KCNJ15: variants seen among roughly 807,000 people sequenced by gnomAD.
KCNJ15 encodes the protein potassium inwardly rectifying channel subfamily J member 15.
A neutral mutation model predicts 23.0 loss-of-function variants in KCNJ15; 14 were observed. That is an observed-to-expected ratio of 0.61 (90% CI 0.40 to 0.95). The LOEUF (loss-of-function observed/expected upper bound fraction) is 0.95, where lower values mean the gene tolerates loss of function less well. KCNJ15 is among the 40% of genes least tolerant of loss of function. The pLI, the probability that KCNJ15 is intolerant of heterozygous loss-of-function variation, is 0.00. For missense variants in KCNJ15, 388 were observed against 461.8 expected (o/e 0.84, Z 1.46); for synonymous variants, 185 against 183.2 (o/e 1.01, Z -0.08).
upstream of KCNJ15, among the ~76,000 whole-genome samples, chr21:38,252,677 G>A (rs1979917350): frequency 6.6e-6 from 1 of 152,076 alleles, no homozygotes; most frequent in Non-Finnish European, 1.5e-5. Flanking sequence ...ATTTTAATTG[G>A]GAAACTGACA....
chr21:38,287,021 T>C (rs2123695168), intron 1 of KCNJ15, among the ~76,000 whole-genome samples: 1 of 152,304 alleles, frequency 6.6e-6, no homozygotes, highest in East Asian at 1.9e-4. Context: ...TATAATTTTG[T>C]TTTTTCAGTA....
intron 1 of KCNJ15, chr21:38,272,264 T>G (rs918083051): frequency 6.6e-6 from 1 of 152,190 alleles, no homozygotes; most frequent in African/African-American, 2.4e-5. Context: ...CTTTCACCCA[T>G]AAAAACTGAA....
chr21:38,245,687 A>G (rs1056921774), intron 1 of KCNJ15, among the ~76,000 whole-genome samples: 8 of 151,240 alleles, frequency 5.3e-5, no homozygotes, highest in Non-Finnish European at 8.8e-5. Context: ...AGGAAAGGGA[A>G]GAAAGAAAGA....
chr21:38,233,856 A>G (rs1978428837), intron 1 of KCNJ15, among the ~76,000 whole-genome samples: 1 of 152,100 alleles, frequency 6.6e-6, no homozygotes. Context: ...TATTATACAT[A>G]TTACCTATAT....
chr21:38,238,543 T>G lies in KCNJ15; in HGVS notation c.-398-18503T>G, dbSNP rs1393927298. ...CATCTCCGGCAATGCCACCGGGACATGGTGCATGTGCTGGGAGAAGGCAGT... is the reference window on the plus strand; with the variant it reads ...CATCTCCGGCAATGCCACCGGGACAGGGTGCATGTGCTGGGAGAAGGCAGT... On this transcript the variant is annotated intron_variant, in intron 1 of 4. Coordinates refer to the KCNJ15 transcript ENST00000547341. 1.9e-5 allele frequency: 12 copies of G among 638,668 alleles called. No individual in the cohort carries two copies. In the East Asian group the frequency reaches 2.1e-4, roughly 11 times the overall value. 39.6% of individuals were successfully genotyped at this position (638,668 alleles called of 1,614,324 possible).
upstream of KCNJ15, among the ~76,000 whole-genome samples, chr21:38,255,181 C>T (rs1285957051): frequency 2.6e-5 from 4 of 152,158 alleles, no homozygotes; most frequent in South Asian, 2.1e-4. Flanking sequence ...CAGATAAGGA[C>T]CTCCCAGAGG....
In KCNJ15 at chr21:38,300,271, C is replaced by T. The variant is rs148141953; in HGVS notation, c.1010C>T (p.Pro337Leu). Reference protein sequence around the residue: ...FSQFEQIRKSPDCTFYCADSE... With the variant: ...FSQFEQIRKSLDCTFYCADSE... ...CAGTTTGAACAGATTCGGAAAAGCC[C>T]AGATTGCACATTTTACTGTGCAGAT... Residue 337 changes from proline to leucine, a missense_variant, in exon 3 of 3, where the codon CCA (proline) becomes CTA (leucine). Coordinates refer to ENST00000398938, the MANE Select transcript of KCNJ15 (RefSeq NM_170736.3). The T allele has an allele frequency of 6.2e-7, 1 of 1,614,112 alleles. No individual in the cohort carries two copies. The highest frequency in any genetic ancestry group is 2.2e-5 in the East Asian group (1 of 44,880).
intron 1 of KCNJ15, among the ~76,000 whole-genome samples, chr21:38,291,973 A>G (rs573752148): frequency 1.3e-5 from 2 of 152,350 alleles, no homozygotes; most frequent in South Asian, 4.1e-4. Context: ...GGCCTGGCAC[A>G]GGGTGAGCAA....
intron 1 of KCNJ15, among the ~76,000 whole-genome samples, chr21:38,239,319 G>C (rs948601754): frequency 6.6e-6 from 1 of 152,184 alleles, no homozygotes; most frequent in Non-Finnish European, 1.5e-5. Flanking sequence ...ACAAAGCCAC[G>C]AAGCCATAAA....
At chr21:38,290,758 T>A (rs1984517908) in intron 1 of KCNJ15, among the ~76,000 whole-genome samples, 1 of 152,030 alleles carries the variant, frequency 6.6e-6, no homozygotes, top group African/African-American at 2.4e-5. Context: ...CTGTTTCCAG[T>A]AGCCAGTGAG....
chr21:38,239,827 G>A (rs1254076965), intron 1 of KCNJ15, among the ~76,000 whole-genome samples: 1 of 152,182 alleles, frequency 6.6e-6, no homozygotes, highest in Non-Finnish European at 1.5e-5. Flanking sequence ...GCTTTGCCGT[G>A]ACTGCCCTAC....
At position 38,234,877 on chromosome 21, in the gene KCNJ15, G is replaced by A. The variant is rs143108723; in HGVS notation, c.-398-22169G>A. On this transcript the variant is annotated intron_variant, in intron 1 of 4. Coordinates refer to the KCNJ15 transcript ENST00000547341. Reference sequence around the variant, plus strand: ...CAGACAAGTAAGAATGAAATCAAACGCAAATCTGGCAACAGAGATGTTTTG... The same window carrying A: ...CAGACAAGTAAGAATGAAATCAAACACAAATCTGGCAACAGAGATGTTTTG... 1.8e-3 allele frequency among the ~76,000 whole-genome samples: 271 copies of A among 152,270 alleles called. 1 individual carries two copies. The highest frequency in any genetic ancestry group is 5.9e-3 in the African/African-American group (247 of 41,558).
chr21:38,246,785 A>G (rs1393991926), intron 1 of KCNJ15, among the ~76,000 whole-genome samples: 2 of 152,300 alleles, frequency 1.3e-5, no homozygotes, highest in East Asian at 1.9e-4. Flanking sequence ...GCTGTTATTT[A>G]CCTGCTTATC....
chr21:38,238,064 C>G, intron 1 of KCNJ15: 3 of 307,228 alleles, frequency 9.8e-6, no homozygotes, highest in South Asian at 9.3e-5. Context: ...TAAGTTTATT[C>G]TAGGGTGAGT....
At chr21:38,238,330 A>C in intron 1 of KCNJ15, 1 of 716,852 alleles carries the variant, frequency 1.4e-6, no homozygotes, top group Non-Finnish European at 2.6e-6. Flanking sequence ...CTGCCTTCGG[A>C]GGGTACTCAG....
chr21:38,244,176 C>T (rs1197740275), intron 1 of KCNJ15, among the ~76,000 whole-genome samples: 5 of 152,088 alleles, frequency 3.3e-5, no homozygotes, highest in Non-Finnish European at 5.9e-5. Context: ...GAGACAAAGC[C>T]GCTAGTGACT....
intron 1 of KCNJ15, among the ~76,000 whole-genome samples, chr21:38,278,135 T>C (rs1982932040): frequency 8.7e-6 from 1 of 115,284 alleles, no homozygotes; most frequent in Non-Finnish European, 2.0e-5. Context: ...AGCTTGCTTT[T>C]TGAGACCCAG....
upstream of KCNJ15, among the ~76,000 whole-genome samples, chr21:38,255,262 G>A (rs1202321822): frequency 6.6e-6 from 1 of 152,228 alleles, no homozygotes; most frequent in Non-Finnish European, 1.5e-5. Flanking sequence ...GACCATTCCA[G>A]GCCGAGGAAA....
chr21:38,251,888 T>G (rs1309896245), upstream of KCNJ15, among the ~76,000 whole-genome samples: 3 of 152,192 alleles, frequency 2.0e-5, no homozygotes, highest in Non-Finnish European at 4.4e-5. Context: ...TTGGATAATT[T>G]TTGAACCATC....
Sources: allele counts gnomAD v4.1 joint callset (sites outside exome capture counted in the v4.1 genomes callset), GRCh38; gene constraint gnomAD v4.1.1; transcripts MANE v1.5; gene names NCBI Gene and HGNC (gene_info 2026-07-23, HGNC 2026-07-21).